PBX4: variants seen among roughly 807,000 people sequenced by gnomAD.
The protein encoded by PBX4 is pre-B-cell leukemia transcription factor 4.
Under a neutral mutation model 35.1 loss-of-function variants are expected in PBX4, and 26 were observed. The observed-to-expected ratio is 0.74, with a 90% CI of 0.54 to 1.03. The LOEUF (loss-of-function observed/expected upper bound fraction) is 1.03, where lower values mean the gene tolerates loss of function less well. Among genes scored for constraint, PBX4 ranks in the 50% least tolerant of loss-of-function variants. The probability of loss-of-function intolerance (pLI) is 0.00; values close to 1 mark genes in which losing one functional copy is unlikely to be tolerated. For missense variants in PBX4, 448 were observed against 504.3 expected (o/e 0.89, Z 1.07); for synonymous variants, 199 against 204.2 (o/e 0.97, Z 0.22).
chr19:19,603,449 C>G (rs2061609723), intron 1 of PBX4, among the ~76,000 whole-genome samples: 1 of 152,090 alleles, frequency 6.6e-6, no homozygotes, highest in Non-Finnish European at 1.5e-5. Context: ...GCTGGCATTA[C>G]AGGTGCCCAC....
chr19:19,603,847 CT>C (rs2061612530), intron 1 of PBX4, among the ~76,000 whole-genome samples: 1 of 151,132 alleles, frequency 6.6e-6, no homozygotes, highest in Non-Finnish European at 1.5e-5. Flanking sequence ...ATCCCAGCTA[CT>C]CAGGAGGATG....
intron 1 of PBX4, among the ~76,000 whole-genome samples, chr19:19,610,045 C>A (rs1430271912): frequency 6.6e-6 from 1 of 152,172 alleles, no homozygotes; most frequent in Non-Finnish European, 1.5e-5. Flanking sequence ...CATGGCTTTA[C>A]TTTTCATTAA....
At chr19:19,587,153 C>T (rs762958310) in intron 2 of PBX4, among the ~76,000 whole-genome samples, 22 of 151,774 alleles carry the variant, frequency 1.4e-4, no homozygotes, top group Non-Finnish European at 2.4e-4. Context: ...TACAGGCACC[C>T]GCCACCCCAC....
chr19:19,561,931 T>G lies in PBX4; in HGVS notation c.*94A>C. The G allele has an allele frequency of 8.9e-7, 1 of 1,123,866 alleles. No homozygotes were observed. The highest frequency in any genetic ancestry group is 1.3e-6 in the Non-Finnish European group (1 of 799,300). The allele number at this position is 1,123,866 out of a possible 1,614,324, so 69.6% of individuals were successfully genotyped here. The stretch of plus-strand genomic sequence containing the variant: ...CATGGGCACCACCACCCATCTGGGT[T>G]TTCTGAGGTCGTCGGCGGCACGTTC... On this transcript the variant is annotated 3_prime_UTR_variant, in exon 8 of 8. Coordinates refer to ENST00000251203, the MANE Select transcript of PBX4 (RefSeq NM_025245.3).
chr19:19,614,317 A>G (rs1018494193), intron 1 of PBX4, among the ~76,000 whole-genome samples: 4 of 150,456 alleles, frequency 2.7e-5, no homozygotes, highest in Non-Finnish European at 4.4e-5. Flanking sequence ...GGGTGACAGA[A>G]TAAGACCCTG....
At chr19:19,578,268 G>A (rs999259496) in intron 2 of PBX4, among the ~76,000 whole-genome samples, 22 of 152,062 alleles carry the variant, frequency 1.4e-4, no homozygotes, top group Admixed American at 1.4e-3. Context: ...TTACCGAGGA[G>A]AAACGCTGTG....
rs34936775 is a variant in PBX4 at position 19,605,416 on chromosome 19, A to AAATAATAATAATAATAATAAT, written c.120-6072_120-6052dup. ...GGTGACAGAACAAGACTCTGTCTCA[A>AAATAATAATAATAATAATAAT]AATAATAATAATAATAATAATAATA... is the stretch of plus-strand genomic sequence containing the variant. On this transcript the variant is annotated intron_variant, in intron 1 of 7. Coordinates refer to ENST00000251203, the MANE Select transcript of PBX4 (RefSeq NM_025245.3). Among the ~76,000 whole-genome samples the AAATAATAATAATAATAATAAT allele has an allele frequency of 8.3e-3, 1,159 of 139,350 alleles. 8 individuals carry two copies. The highest frequency in any genetic ancestry group is 0.013 in the Non-Finnish European group (825 of 65,458). The allele number at this position is 139,350 out of a possible 152,430, so 91.4% of individuals were successfully genotyped here.
At chr19:19,567,192 A>G (rs1188277303) in intron 5 of PBX4, among the ~76,000 whole-genome samples, 4 of 152,200 alleles carry the variant, frequency 2.6e-5, no homozygotes, top group Non-Finnish European at 5.9e-5. Flanking sequence ...TGTCCTCCAG[A>G]CAATTGTTCC....
Position 19,564,782 on chromosome 19 carries a change from A to G in PBX4, c.925+151T>C, listed in dbSNP as rs966231362. The G allele has an allele frequency of 1.6e-5, 16 of 982,330 alleles. No homozygotes were observed. The Admixed American group carries it at 3.6e-4, about 22-fold the overall frequency. The allele number at this position is 982,330 out of a possible 1,614,324, so 60.9% of individuals were successfully genotyped here. A position where few individuals can be genotyped will look rare whatever the true frequency, so the allele number is the denominator to read the frequency against. ...TTGGTTGGGATCATGGCCAAGAGGA[A>G]CAGAACTCTCACAGTTGAAACAGAA... On this transcript the variant is annotated intron_variant, in intron 6 of 7. Coordinates refer to ENST00000251203, the MANE Select transcript of PBX4 (RefSeq NM_025245.3).
At chr19:19,615,310 G>A (rs1489977849) in intron 1 of PBX4, among the ~76,000 whole-genome samples, 1 of 151,346 alleles carries the variant, frequency 6.6e-6, no homozygotes, top group Non-Finnish European at 1.5e-5. Flanking sequence ...TGACACTACT[G>A]CACTCTAGCC....
chr19:19,584,470 G>A (rs2061476007), intron 2 of PBX4, among the ~76,000 whole-genome samples: 1 of 152,050 alleles, frequency 6.6e-6, no homozygotes. Flanking sequence ...AGGCAGCAAG[G>A]CATGACGAAG....
At position 19,569,598 on chromosome 19, in the gene PBX4, C is replaced by T. The variant is rs376360726; in HGVS notation, c.633-14G>A. The stretch of plus-strand genomic sequence containing the variant: ...CGCCGCTTGCGCCTGCAAAAACAGC[C>T]GCCTTCGTAGGCATTAATATGCTGG... On this transcript the variant is annotated splice_polypyrimidine_tract_variant and intron_variant, in intron 4 of 7. Coordinates refer to ENST00000251203, the MANE Select transcript of PBX4 (RefSeq NM_025245.3). 46 of 1,612,448 alleles carry T rather than the reference C, an allele frequency of 2.9e-5. No individual in the cohort carries two copies. In the East Asian group the frequency reaches 3.6e-4, roughly 13 times the overall value.
Position 19,563,722 on chromosome 19 carries a change from C to T in PBX4, c.926-107G>A, listed in dbSNP as rs978943146. ...GCCTCGAATGTGGCTCCTGCCCCTC[C>T]TCAGCATCCGGCCTCTGCTCCTCAG... On this transcript the variant is annotated intron_variant, in intron 6 of 7. Transcript: ENST00000251203. The surrounding 1 kb of genome is among the most constrained non-coding windows in gnomAD (Gnocchi z 5.1). 1.4e-5 allele frequency: 13 copies of T among 940,366 alleles called. No individual in the cohort carries two copies. Among genetic ancestry groups the T allele is most frequent in the African/African-American group, 4.9e-5 (3 of 61,250 alleles). 58.3% of individuals were successfully genotyped at this position (940,366 alleles called of 1,614,324 possible). A position where few individuals can be genotyped will look rare whatever the true frequency, so the allele number is the denominator to read the frequency against.
chr19:19,598,499 T>C (rs1481378201), intron 2 of PBX4, among the ~76,000 whole-genome samples: 1 of 151,998 alleles, frequency 6.6e-6, no homozygotes, highest in Non-Finnish European at 1.5e-5. Flanking sequence ...GGTTTCACCA[T>C]CTTGGCCAGG....
intron 1 of PBX4, among the ~76,000 whole-genome samples, chr19:19,599,798 C>A (rs2144771504): frequency 6.6e-6 from 1 of 152,200 alleles, no homozygotes; most frequent in South Asian, 2.1e-4. Flanking sequence ...CATGGTGAAA[C>A]CCTGTCTCTA....
In PBX4 at chr19:19,563,111, G is replaced by C. The variant is rs1191163629; in HGVS notation, c.1032+398C>G. Among the ~76,000 whole-genome samples, 2 of 152,168 alleles carry C rather than the reference G, an allele frequency of 1.3e-5. No individual in the cohort carries two copies. Among genetic ancestry groups the C allele is most frequent in the African/African-American group, 4.8e-5 (2 of 41,432 alleles). On this transcript the variant is annotated intron_variant, in intron 7 of 7. Coordinates refer to ENST00000251203, the MANE Select transcript of PBX4 (RefSeq NM_025245.3). The surrounding 1 kb of genome is among the most constrained non-coding windows in gnomAD (Gnocchi z 5.1). The stretch of plus-strand genomic sequence containing the variant: ...CACTCGCTGCCTTCCCAGCCAAGCT[G>C]CGGCACTGAGGTCTGAGCCCGAGGG...
rs1337128355 is a variant in PBX4 at position 19,570,641 on chromosome 19, GC to G, written c.385del (p.Ala129ProfsTer14). 1 of 1,614,046 alleles carries G rather than the reference GC, an allele frequency of 6.2e-7. No homozygotes were observed. Among genetic ancestry groups the G allele is most frequent in the Admixed American group, 1.7e-5 (1 of 59,992 alleles). On this transcript the variant is annotated frameshift_variant, in exon 3 of 8. Transcript: ENST00000251203. LOFTEE classifies it high-confidence loss of function. ...AATCTGTCGGATCTGGGACAGCTTG[GC>G]CCTGTAGTCAGAGTGCTCAATGCTA... Reference protein sequence around the residue: ...DNSIEHSDYRAKLSQIRQIYH... With the variant: ...DNSIEHSDYRXKLSQIRQIYH...
chr19:19,596,047 G>A (rs1422064837), intron 2 of PBX4, among the ~76,000 whole-genome samples: 1 of 152,044 alleles, frequency 6.6e-6, no homozygotes, highest in East Asian at 1.9e-4. Flanking sequence ...GCAATGAGCT[G>A]TGACTTCACC....
chr19:19,596,273 C>G (rs184434171), intron 2 of PBX4, among the ~76,000 whole-genome samples: 38 of 151,886 alleles, frequency 2.5e-4, no homozygotes, highest in African/African-American at 8.0e-4. Context: ...CACCATAATC[C>G]CAGCTACTCA....
Sources: gnomAD v4.1 joint callset for allele counts (sites outside exome capture counted in the v4.1 genomes callset) on GRCh38, gnomAD v4.1.1 for gene constraint, Gnocchi (gnomAD v3.1) non-coding constraint, MANE v1.5 for transcripts, NCBI Gene and HGNC (gene_info 2026-07-23, HGNC 2026-07-21) for gene names.